The following SERPINB5 variants were observed in gnomAD, a reference collection of about 807,000 sequenced individuals.
SERPINB5 encodes serpin B5.
SERPINB5 carries 27 observed loss-of-function variants against 32.2 expected under a neutral mutation model. The ratio of observed to expected loss-of-function variants is 0.84; its 90% CI spans 0.62 to 1.16. SERPINB5 has a LOEUF of 1.16. Among genes scored for constraint, SERPINB5 ranks in the 50% most tolerant of loss-of-function variants. SERPINB5 has a pLI of 0.00. For synonymous variants in SERPINB5, 154 were observed against 157.4 expected (o/e 0.98, Z 0.16); for missense variants, 388 against 436.3 (o/e 0.89, Z 0.99).
Position 63,484,426 on chromosome 18 carries a change from G to T in SERPINB5, c.-3G>T, listed in dbSNP as rs77710366. 17,835 of 1,609,788 alleles carry T rather than the reference G, an allele frequency of 0.011. 139 individuals are homozygous for T. Among genetic ancestry groups the T allele is most frequent in the African/African-American group, 0.031 (2,286 of 74,842 alleles). On this transcript the variant is annotated 5_prime_UTR_variant, in exon 2 of 7. Transcript: ENST00000382771. ...CTCCCTTGTCCTTGCTTCCAGGCCC[G>T]CAATGGATGCCCTGCAACTAGCAAA...
At chr18:63,500,241 T>TC (rs1909543473) in intron 6 of SERPINB5, among the ~76,000 whole-genome samples, 1 of 151,458 alleles carries the variant, frequency 6.6e-6, no homozygotes, top group African/African-American at 2.4e-5. Flanking sequence ...CTTTTTTTTT[T>TC]TTTGTAAAGG....
chr18:63,484,739 A>ATTTTT, intron 2 of SERPINB5, 143 bp downstream of exon 2: 6 of 144,450 alleles, frequency 4.2e-5, no homozygotes, highest in South Asian at 1.1e-4. Context: ...GACTCTCTTA[A>ATTTTT]TCTTTTTTTT....
intron 4 of SERPINB5, among the ~76,000 whole-genome samples, chr18:63,491,439 C>T (rs1909335787): frequency 6.9e-6 from 1 of 144,392 alleles, no homozygotes; most frequent in Non-Finnish European, 1.5e-5. Flanking sequence ...GAATAATGGT[C>T]TTCAGCTCCA....
chr18:63,485,694 C>T (rs1917199989), intron 2 of SERPINB5: 1 of 152,196 alleles, frequency 6.6e-6, no homozygotes, highest in African/African-American at 2.4e-5. Flanking sequence ...TCAGTAATTC[C>T]TCAAGCTCTT....
chr18:63,497,132 G>T, intron 5 of SERPINB5: 1 of 632,306 alleles, frequency 1.6e-6, no homozygotes, highest in South Asian at 1.4e-5. Flanking sequence ...CCCCACTTTA[G>T]GTGTGGCCAG....
chr18:63,503,491 A>C lies in SERPINB5; in HGVS notation c.897A>C (p.Glu299Asp). The change falls in exon 7 of 7, where the codon GAA becomes GAC. Residue 299 changes from glutamate (E) to aspartate (D), a missense_variant. Coordinates refer to ENST00000382771, the MANE Select transcript of SERPINB5 (RefSeq NM_002639.5). ...ENLGLKHIFSEDTSDFSGMSE... is the reference protein window; with the variant it reads ...ENLGLKHIFSDDTSDFSGMSE... ...TAGGGCTGAAACATATCTTCAGTGA[A>C]GACACATCTGATTTCTCTGGAATGT... The C allele has an allele frequency of 6.2e-7, 1 of 1,614,236 alleles. No homozygotes were observed. The highest frequency in any genetic ancestry group is 8.5e-7 in the Non-Finnish European group (1 of 1,180,044).
intron 1 of SERPINB5, among the ~76,000 whole-genome samples, chr18:63,480,162 A>G (rs1917103361): frequency 6.6e-6 from 1 of 152,174 alleles, no homozygotes; most frequent in Non-Finnish European, 1.5e-5. Flanking sequence ...GCCAGCCTAG[A>G]TCCTCTCCAA....
rs1321820020 is a variant in SERPINB5 at position 63,499,102 on chromosome 18, A to G, written c.568-18A>G. The G allele has an allele frequency of 6.9e-7, 1 of 1,451,544 alleles. No homozygotes were observed. The highest frequency in any genetic ancestry group is 1.4e-5 in the African/African-American group (1 of 70,028). 89.9% of individuals were successfully genotyped at this position (1,451,544 alleles called of 1,614,324 possible). A position where few individuals can be genotyped will look rare whatever the true frequency, so the allele number is the denominator to read the frequency against. On this transcript the variant is annotated intron_variant, in intron 5 of 6. Transcript: ENST00000382771. ...GTGTAAATTGAAAAGTAAGCAGTCC[A>G]AATTTTCCCTTTTACAGACAGACAC...
intron 4 of SERPINB5, among the ~76,000 whole-genome samples, chr18:63,490,292 A>G (rs568323664): frequency 6.6e-6 from 1 of 152,112 alleles, no homozygotes; most frequent in East Asian, 1.9e-4. Context: ...GGGGTCCAAG[A>G]AGCTCCTAGG....
At chr18:63,500,039 G>A (rs1909539490) in intron 6 of SERPINB5, among the ~76,000 whole-genome samples, 8 of 151,476 alleles carry the variant, frequency 5.3e-5, no homozygotes, top group Admixed American at 5.3e-4. Context: ...TTAGAGACAG[G>A]GTCTTGCTCC....
In SERPINB5 at chr18:63,503,503, T is replaced by C; in HGVS notation, c.909T>C (p.Asp303=). ...LKHIFSEDTS[D]FSGMSETKGV... is the part of the protein sequence containing the mutation. ...ATATCTTCAGTGAAGACACATCTGA[T>C]TTCTCTGGAATGTCAGAGACCAAGG... is the stretch of plus-strand genomic sequence containing the variant. The change falls in exon 7 of 7, where the codon GAT becomes GAC. Residue 303 remains aspartate (D), a synonymous_variant. Transcript: ENST00000382771. 6.2e-7 allele frequency: 1 copy of C among 1,614,216 alleles called. No individual in the cohort carries two copies. Among genetic ancestry groups the C allele is most frequent in the Non-Finnish European group, 8.5e-7 (1 of 1,180,026 alleles).
chr18:63,497,392 G>A (rs1047454646), intron 5 of SERPINB5: 32 of 1,223,680 alleles, frequency 2.6e-5, no homozygotes, highest in South Asian at 1.9e-4. Flanking sequence ...TATCCTCTTC[G>A]CCATGTGAAG....
intron 5 of SERPINB5, 86 bp from the exon 6 acceptor site, chr18:63,499,034 T>C (rs1445898497): frequency 1.3e-5 from 7 of 544,274 alleles, no homozygotes; most frequent in South Asian, 1.1e-4. Context: ...TGTGTGTGTG[T>C]GCGCGCGTGT....
intron 4 of SERPINB5, among the ~76,000 whole-genome samples, chr18:63,489,832 C>T (rs895447989): frequency 1.3e-5 from 2 of 152,098 alleles, no homozygotes; most frequent in African/African-American, 4.8e-5. Flanking sequence ...TCATGATCCC[C>T]GAGGCCCCTT....
rs1043150360 is a variant in SERPINB5, at chr18:63,504,193, C to G, written c.*471C>G. 1 of 164,460 alleles carries G rather than the reference C, an allele frequency of 6.1e-6. No homozygotes were observed. The highest frequency in any genetic ancestry group is 1.3e-5 in the Non-Finnish European group (1 of 77,036). 10.2% of individuals were successfully genotyped at this position (164,460 alleles called of 1,614,324 possible). On this transcript the variant is annotated 3_prime_UTR_variant, in exon 7 of 7. Transcript: ENST00000382771. ...CGAAACTGCCCTGGCTCCAGTGAAA[C>G]TTGGGCACATGCTCAGGCTACTATA... is the stretch of plus-strand genomic sequence containing the variant.
chr18:63,499,295 GA>G lies in SERPINB5; in HGVS notation c.735+10del. ...TCCACAGGCTTGGAGAAGGTAAGGAGAAGGCAGGTGCTCTCCACAAAGGCAC... is the reference window on the plus strand; with the variant it reads ...TCCACAGGCTTGGAGAAGGTAAGGAGAGGCAGGTGCTCTCCACAAAGGCAC... On this transcript the variant is annotated intron_variant, in intron 6 of 6. Transcript: ENST00000382771. The G allele has an allele frequency of 6.5e-7, 1 of 1,542,296 alleles. No homozygotes were observed. The highest frequency in any genetic ancestry group is 2.5e-5 in the East Asian group (1 of 40,512).
At chr18:63,491,676 T>C (rs1429732476) in intron 4 of SERPINB5, among the ~76,000 whole-genome samples, 2 of 151,984 alleles carry the variant, frequency 1.3e-5, no homozygotes, top group East Asian at 2.0e-4. Context: ...GGTTTCACCA[T>C]GTTGGCCAGG....
intron 1 of SERPINB5, among the ~76,000 whole-genome samples, chr18:63,482,095 G>A (rs556523860): frequency 2.0e-5 from 3 of 152,280 alleles, no homozygotes; most frequent in Non-Finnish European, 4.4e-5. Context: ...TAATGAACTC[G>A]CTTTTTCAGA....
At position 63,501,308 on chromosome 18, in the gene SERPINB5, C is replaced by G. The variant is rs536539350; in HGVS notation, c.735+2021C>G. Among the ~76,000 whole-genome samples, 3 of 151,368 alleles carry G rather than the reference C, an allele frequency of 2.0e-5. No individual in the cohort carries two copies. In the South Asian group the frequency reaches 6.3e-4, roughly 32 times the overall value. On this transcript the variant is annotated intron_variant, in intron 6 of 6. Transcript: ENST00000382771. The stretch of plus-strand genomic sequence containing the variant: ...AACATGCAGTGTTTGGTTTGTTGTC[C>G]TTGTGATAGTTTGCTGATAATGATG...
Sources: gnomAD v4.1 joint callset for allele counts (sites outside exome capture counted in the v4.1 genomes callset) on GRCh38, gnomAD v4.1.1 for gene constraint, MANE v1.5 for transcripts, NCBI Gene and HGNC (gene_info 2026-07-23, HGNC 2026-07-21) for gene names.